Variants in DAB1 observed in about 807,000 individuals in gnomAD.
DAB1 encodes DAB adaptor protein 1, also known as disabled homolog 1.
In DAB1, 15 loss-of-function variants were observed where a neutral mutation model predicts 64.6. The ratio of observed to expected loss-of-function variants is 0.23; its 90% CI spans 0.16 to 0.36. DAB1 has a LOEUF of 0.36. Ranked by LOEUF, DAB1 falls within the 10% of genes least tolerant of loss-of-function variation. The pLI, the probability that DAB1 is intolerant of heterozygous loss-of-function variation, is 1.00. For synonymous variants in DAB1, 235 were observed against 251.9 expected (o/e 0.93, Z 0.64); for missense variants, 596 against 706.7 (o/e 0.84, Z 1.78).
chr1:58,246,660 G>A (rs938020519), intron 4 of DAB1, among the ~76,000 whole-genome samples: 1 of 152,112 alleles, frequency 6.6e-6, no homozygotes, highest in African/African-American at 2.4e-5. Flanking sequence ...GAGTGATGTA[G>A]GTGTAATGCT....
intron 5 of DAB1, among the ~76,000 whole-genome samples, chr1:58,000,427 A>G (rs1185066915): frequency 6.6e-6 from 1 of 152,184 alleles, no homozygotes; most frequent in Non-Finnish European, 1.5e-5. Context: ...GACATTGGTC[A>G]TCTTTTCAAA....
chr1:57,821,497 C>T (rs1276306798), downstream of DAB1, among the ~76,000 whole-genome samples: 3 of 152,168 alleles, frequency 2.0e-5, no homozygotes, highest in Non-Finnish European at 2.9e-5. Flanking sequence ...GGCATTTCTC[C>T]CTTTCCCATT....
chr1:58,016,133 A>T (rs529064599), intron 5 of DAB1, among the ~76,000 whole-genome samples: 49 of 152,134 alleles, frequency 3.2e-4, no homozygotes, highest in Non-Finnish European at 5.4e-4. Context: ...TAATGTAGTT[A>T]TTTACTGTGT....
At chr1:57,205,306 C>T (rs1467134143) in intron 2 of DAB1, among the ~76,000 whole-genome samples, 2 of 152,176 alleles carry the variant, frequency 1.3e-5, no homozygotes, top group Admixed American at 6.5e-5. Flanking sequence ...CTTTCTTTTA[C>T]ATATACACCT....
At chr1:57,380,611 T>C (rs1236431386) in intron 1 of DAB1, among the ~76,000 whole-genome samples, 3 of 152,208 alleles carry the variant, frequency 2.0e-5, no homozygotes, top group Non-Finnish European at 4.4e-5. Context: ...TTATATTGCA[T>C]GCCAACAATG....
At chr1:57,352,526 T>C (rs1462638099) in intron 1 of DAB1, among the ~76,000 whole-genome samples, 2 of 152,152 alleles carry the variant, frequency 1.3e-5, no homozygotes, top group Non-Finnish European at 2.9e-5. Flanking sequence ...CTTGCTATAA[T>C]TCCTTGTATT....
chr1:57,902,978 C>T (rs1310415565), intron 5 of DAB1, among the ~76,000 whole-genome samples: 2 of 152,178 alleles, frequency 1.3e-5, no homozygotes, highest in African/African-American at 4.8e-5. Context: ...GGAGGCCTCA[C>T]AATCATGGCG....
intron 7 of DAB1, among the ~76,000 whole-genome samples, chr1:57,540,305 G>A (rs1264765016): frequency 5.9e-5 from 9 of 152,190 alleles, no homozygotes; most frequent in African/African-American, 1.2e-4. Context: ...AACAAATGCC[G>A]GCAAGGATGT....
intron 4 of DAB1, among the ~76,000 whole-genome samples, chr1:58,150,793 C>T (rs1282755010): frequency 6.6e-6 from 1 of 151,934 alleles, no homozygotes; most frequent in Non-Finnish European, 1.5e-5. Flanking sequence ...CACCCATTAA[C>T]TCATCATTTA....
chr1:57,439,911 T>A (rs1370921564), intron 7 of DAB1, among the ~76,000 whole-genome samples: 1 of 152,176 alleles, frequency 6.6e-6, no homozygotes, highest in Non-Finnish European at 1.5e-5. Context: ...TTTCCTTCAG[T>A]GGAAAACAAA....
intron 6 of DAB1, among the ~76,000 whole-genome samples, chr1:57,798,465 C>A (rs568929919): frequency 6.6e-5 from 10 of 152,160 alleles, no homozygotes; most frequent in Non-Finnish European, 1.0e-4. Context: ...TCAGAAGTCT[C>A]AAGGTCCAGA....
intron 3 of DAB1, among the ~76,000 whole-genome samples, chr1:58,495,934 T>C (rs977927149): frequency 2.0e-5 from 3 of 152,186 alleles, no homozygotes; most frequent in African/African-American, 7.2e-5. Flanking sequence ...GTCTTTGCAA[T>C]GAAGATTAAA....
chr1:58,373,822 A>G (rs949831997), intron 3 of DAB1, among the ~76,000 whole-genome samples: 1 of 150,200 alleles, frequency 6.7e-6, no homozygotes, highest in African/African-American at 2.4e-5. Flanking sequence ...CTATTTCTCC[A>G]CATCCTCTCC....
intron 6 of DAB1, among the ~76,000 whole-genome samples, chr1:57,695,363 A>AAGGAAGGAAG (rs1557427764): frequency 2.5e-5 from 1 of 40,188 alleles, no homozygotes; most frequent in Non-Finnish European, 4.2e-5. Context: ...AAAAGAAAGA[A>AAGGAAGGAAG]GAAAGAAAGA....
At chr1:58,209,430 CA>C (rs1396280647) in intron 4 of DAB1, among the ~76,000 whole-genome samples, 3 of 151,906 alleles carry the variant, frequency 2.0e-5, no homozygotes, top group Non-Finnish European at 2.9e-5. Context: ...TGGAGGCTAA[CA>C]AAAACAACAA....
intron 7 of DAB1, among the ~76,000 whole-genome samples, chr1:57,638,288 A>T (rs1646084044): frequency 1.3e-5 from 2 of 152,226 alleles, no homozygotes; most frequent in Non-Finnish European, 2.9e-5. Context: ...ACAATAAATC[A>T]TGTGTGATAA....
chr1:58,381,724 C>T (rs1234041782), intron 3 of DAB1, among the ~76,000 whole-genome samples: 1 of 152,172 alleles, frequency 6.6e-6, no homozygotes, highest in African/African-American at 2.4e-5. Context: ...TATTGCAGCT[C>T]ATAGTTCTTT....
intron 3 of DAB1, chr1:58,473,835 G>T: frequency 1.7e-6 from 1 of 591,694 alleles, no homozygotes; most frequent in Non-Finnish European, 3.0e-6. Context: ...CACTTCCCAA[G>T]ACTGGTGTGT....
chr1:58,292,150 T>C lies in DAB1; in HGVS notation n.309+51202A>G, dbSNP rs526493. On this transcript the variant is annotated intron_variant and non_coding_transcript_variant, in intron 4 of 20. Coordinates refer to the DAB1 transcript ENST00000485760. ...TTATACCATCTGCTCCTCTGATCCT[T>C]AGGCCTTCAGACTCAGGCTGAATTA... Among the ~76,000 whole-genome samples, 1,496 of 152,280 alleles carry C rather than the reference T, an allele frequency of 9.8e-3. 32 individuals are homozygous for C. Among genetic ancestry groups the C allele is most frequent in the African/African-American group, 0.034 (1,409 of 41,538 alleles).
Sources: gnomAD v4.1 joint callset for allele counts (sites outside exome capture counted in the v4.1 genomes callset) on GRCh38, gnomAD v4.1.1 for gene constraint, MANE v1.5 for transcripts, NCBI Gene and HGNC (gene_info 2026-07-23, HGNC 2026-07-21) for gene names.